Variants in FAM184A observed in about 807,000 individuals in gnomAD.
FAM184A encodes the protein family with sequence similarity 184 member A.
In FAM184A, 99 loss-of-function variants were observed where a neutral mutation model predicts 143.8. The ratio of observed to expected loss-of-function variants is 0.69; its 90% CI spans 0.58 to 0.81. The LOEUF (loss-of-function observed/expected upper bound fraction) is 0.81. Ranked by LOEUF, FAM184A falls within the 40% of genes least tolerant of loss-of-function variation. The pLI, the probability that FAM184A is intolerant of heterozygous loss-of-function variation, is 0.00. For synonymous variants in FAM184A, 427 were observed against 446.4 expected (o/e 0.96, Z 0.55); for missense variants, 1,217 against 1,310.5 (o/e 0.93, Z 1.10).
chr6:119,020,717 G>A (rs985753650), intron 3 of FAM184A, among the ~76,000 whole-genome samples: 6 of 152,190 alleles, frequency 3.9e-5, no homozygotes, highest in African/African-American at 1.4e-4. Context: ...AGTGGAGCTT[G>A]TAGTTCCAGC....
intron 1 of FAM184A, among the ~76,000 whole-genome samples, chr6:119,098,854 C>A (rs55961680): frequency 0.076 from 11,636 of 152,144 alleles, 597 homozygotes; most frequent in East Asian, 0.23. Context: ...TTAGGCTGGG[C>A]GTGGCGGCAC....
In FAM184A at chr6:119,078,134, C is replaced by G. The variant is rs775662113; in HGVS notation, c.159+7G>C. The G allele has an allele frequency of 5.7e-6, 9 of 1,583,072 alleles. No individual in the cohort carries two copies. In the Admixed American group the frequency reaches 1.4e-4, roughly 25 times the overall value. ...GTCGCCACCTGCCCCGTCGCTGCCCCCCTTACCTTGGTGAGCTGGGCGATT... is the reference window on the plus strand; with the variant it reads ...GTCGCCACCTGCCCCGTCGCTGCCCGCCTTACCTTGGTGAGCTGGGCGATT... On this transcript the variant is annotated splice_region_variant and intron_variant, in intron 1 of 17. Transcript: ENST00000338891. The surrounding 1 kb of genome is among the most constrained non-coding windows in gnomAD (Gnocchi z 5.5).
At chr6:119,001,039 A>G (rs973314917) in intron 9 of FAM184A, among the ~76,000 whole-genome samples, 6 of 150,710 alleles carry the variant, frequency 4.0e-5, no homozygotes, top group African/African-American at 1.5e-4. Context: ...AGTCGAGACA[A>G]CAAGATCCAG....
chr6:118,961,937 TG>T lies in FAM184A; in HGVS notation c.3164del (p.Pro1055GlnfsTer6), dbSNP rs1276472097. On this transcript the variant is annotated frameshift_variant, in exon 17 of 18. Coordinates refer to ENST00000338891, the MANE Select transcript of FAM184A (RefSeq NM_024581.6). LOFTEE classifies it high-confidence loss of function. ...AKQKKKNDKS[P>X]TNRFVSVPNL... Reference sequence around the variant, plus strand: ...TGGGAACACTCACAAACCTGTTTGTTGGTGATTTATCATTCTTCTTCTTTTG... The same window carrying T: ...TGGGAACACTCACAAACCTGTTTGTTGTGATTTATCATTCTTCTTCTTTTG... 1 of 1,613,774 alleles carries T rather than the reference TG, an allele frequency of 6.2e-7. No individual in the cohort carries two copies. Among genetic ancestry groups the T allele is most frequent in the Non-Finnish European group, 8.5e-7 (1 of 1,179,830 alleles).
intron 2 of FAM184A, 90 bp from the exon 3 acceptor site, chr6:119,023,170 T>A: frequency 7.2e-7 from 1 of 1,396,500 alleles, no homozygotes; most frequent in Non-Finnish European, 9.9e-7. Flanking sequence ...CTTTCTCTTA[T>A]TCAGAAGTCA....
At chr6:118,969,276 T>C (rs1371652814) in intron 14 of FAM184A, among the ~76,000 whole-genome samples, 2 of 152,212 alleles carry the variant, frequency 1.3e-5, no homozygotes, top group East Asian at 3.8e-4. Context: ...GTCTCGGGCA[T>C]GACTTTATTA....
At chr6:118,997,701 A>G (rs949532087) in intron 9 of FAM184A, among the ~76,000 whole-genome samples, 6 of 147,654 alleles carry the variant, frequency 4.1e-5, no homozygotes, top group South Asian at 2.1e-4. Context: ...ATCTCAGGGG[A>G]AAAAAAAAAC....
At chr6:119,010,977 T>C (rs181183212) in intron 6 of FAM184A, among the ~76,000 whole-genome samples, 1 of 152,254 alleles carries the variant, frequency 6.6e-6, no homozygotes, top group East Asian at 1.9e-4. Flanking sequence ...CAGTTTCTGT[T>C]GAAATTGTAG....
intron 17 of FAM184A, chr6:118,960,856 AC>A: frequency 7.3e-7 from 1 of 1,362,156 alleles, no homozygotes; most frequent in African/African-American, 1.5e-5. Context: ...CATGCATCTT[AC>A]TGATACCTGA....
chr6:119,043,604 C>G (rs1342051038), intron 1 of FAM184A, among the ~76,000 whole-genome samples: 1 of 151,516 alleles, frequency 6.6e-6, no homozygotes, highest in Non-Finnish European at 1.5e-5. Flanking sequence ...AGGGTAAGGG[C>G]AACAAACCCT....
upstream of FAM184A, among the ~76,000 whole-genome samples, chr6:119,083,641 A>G (rs1788135564): frequency 6.6e-6 from 1 of 152,216 alleles, no homozygotes; most frequent in Non-Finnish European, 1.5e-5. Context: ...GCTAAACCAT[A>G]GCAAGAGCGA....
At chr6:119,068,191 C>T (rs1787536833) in intron 1 of FAM184A, among the ~76,000 whole-genome samples, 1 of 151,720 alleles carries the variant, frequency 6.6e-6, no homozygotes. Flanking sequence ...GGATTACAGG[C>T]ATGCACCACC....
intron 1 of FAM184A, among the ~76,000 whole-genome samples, chr6:119,096,029 T>A (rs566953965): frequency 8.5e-5 from 13 of 152,272 alleles, no homozygotes; most frequent in Middle Eastern, 3.4e-3. Context: ...TTTGAGCCTA[T>A]CTCATTCCAC....
Position 119,016,929 on chromosome 6 carries a change from T to C in FAM184A, c.1348A>G (p.Lys450Glu). The C allele has an allele frequency of 6.2e-7, 1 of 1,606,036 alleles. No homozygotes were observed. Among genetic ancestry groups the C allele is most frequent in the East Asian group, 2.2e-5 (1 of 44,854 alleles). The change falls in exon 5 of 18, where the codon AAG (lysine) becomes GAG (glutamate). Residue 450 changes from lysine to glutamate, a missense_variant. Physicochemically the swap from Lys to Glu is moderately conservative, Grantham distance 56. Coordinates refer to ENST00000338891, the MANE Select transcript of FAM184A (RefSeq NM_024581.6). Reference sequence around the variant, plus strand: ...TCATAATATTCTTGCTGAGTTCTCTTTGCTTCATTTACTTTCTAAAATTAA... The same window carrying C: ...TCATAATATTCTTGCTGAGTTCTCTCTGCTTCATTTACTTTCTAAAATTAA... ...LELEKKVNEA[K>E]RTQQEYYERE...
rs963271501 is a variant in FAM184A, at chr6:119,078,651, G to T, written c.-352C>A. 3 of 176,840 alleles carry T rather than the reference G, an allele frequency of 1.7e-5. No individual in the cohort carries two copies. Among genetic ancestry groups the T allele is most frequent in the African/African-American group, 7.1e-5 (3 of 42,380 alleles). The allele number at this position is 176,840 out of a possible 1,614,324, so 11.0% of individuals were successfully genotyped here. ...GGTCCCGCTCGCAGCCCGCACCGAGGACTCGGCGAGGCTGCGGAGGGAGGA... is the reference window on the plus strand; with the variant it reads ...GGTCCCGCTCGCAGCCCGCACCGAGTACTCGGCGAGGCTGCGGAGGGAGGA... On this transcript the variant is annotated 5_prime_UTR_variant, in exon 1 of 18. Transcript: ENST00000338891. This position sits in a 1 kb window ranked among gnomAD's most constrained non-coding sequence, Gnocchi z 5.5.
In FAM184A at chr6:119,085,885, G is replaced by T. The variant is rs183624910; in HGVS notation, c.-201-61072C>A. On this transcript the variant is annotated intron_variant, in intron 1 of 16. Coordinates refer to the FAM184A transcript ENST00000352896. ...GAGCAGGAGAAAGAGAGAGTGGGGG[G>T]AGGTGCTACACACTTTTAAACAGCC... is the stretch of plus-strand genomic sequence containing the variant. 9.1e-4 allele frequency among the ~76,000 whole-genome samples: 139 copies of T among 152,244 alleles called. 1 individual carries two copies. The highest frequency in any genetic ancestry group is 3.3e-3 in the African/African-American group (135 of 41,534).
intron 1 of FAM184A, among the ~76,000 whole-genome samples, chr6:119,125,337 C>A (rs1007313939): frequency 6.6e-6 from 1 of 152,242 alleles, no homozygotes; most frequent in African/African-American, 2.4e-5. Context: ...AGTGCAATGG[C>A]GTGGCTTGGC....
chr6:119,107,777 CAAAAA>C (rs71556825), intron 1 of FAM184A, among the ~76,000 whole-genome samples: 1 of 100,838 alleles, frequency 9.9e-6, no homozygotes, highest in Non-Finnish European at 1.9e-5. Flanking sequence ...GACTTTGTCT[CAAAAA>C]AAAAAAAAAA....
intron 1 of FAM184A, among the ~76,000 whole-genome samples, chr6:119,137,206 C>T (rs919655806): frequency 6.6e-6 from 1 of 152,152 alleles, no homozygotes; most frequent in Non-Finnish European, 1.5e-5. Context: ...TGAGGGCTCT[C>T]TTCTTGGCTT....
Sources: allele counts gnomAD v4.1 joint callset (sites outside exome capture counted in the v4.1 genomes callset), GRCh38; gene constraint gnomAD v4.1.1; non-coding constraint Gnocchi (gnomAD v3.1); transcripts MANE v1.5; gene names NCBI Gene and HGNC (gene_info 2026-07-23, HGNC 2026-07-21).